Variants in CHM observed in about 807,000 individuals in gnomAD.
CHM encodes the protein rab proteins geranylgeranyltransferase component A 1.
A neutral mutation model predicts 49.0 loss-of-function variants in CHM; 10 were observed. That is an observed-to-expected ratio of 0.20 (90% CI 0.13 to 0.35). The LOEUF is 0.35. Among genes scored for constraint, CHM ranks in the 10% least tolerant of loss-of-function variants. The pLI, the probability that CHM is intolerant of heterozygous loss-of-function variation, is 1.00. For synonymous variants in CHM, 184 were observed against 167.5 expected (o/e 1.10, Z -0.76); for missense variants, 455 against 478.4 (o/e 0.95, Z 0.46).
intron 8 of CHM, among the ~76,000 whole-genome samples, chrX:85,947,847 T>C (rs1274511650): frequency 8.9e-6 from 1 of 112,357 alleles, no homozygotes; most frequent in Non-Finnish European, 1.9e-5. Context: ...TAAAAACGTG[T>C]TTGGTGGTGA....
At chrX:85,871,304 C>CAAAAAAAAAAAAAAAAAAAAAAAAAAA (rs150005971) in intron 14 of CHM, among the ~76,000 whole-genome samples, 1 of 62,096 alleles carries the variant, frequency 1.6e-5, no homozygotes, top group African/African-American at 7.0e-5. Flanking sequence ...AAGACTGTCT[C>CAAAAAAAAAAAAAAAAAAAAAAAAAAA]AAAAAAAAAA....
At chrX:85,892,407 C>T (rs5968706) in intron 12 of CHM, among the ~76,000 whole-genome samples, 3,352 of 109,450 alleles carry the variant, frequency 0.031, 126 homozygotes, top group African/African-American at 0.11. Context: ...TCATGGGGGC[C>T]GGTCTTTCTT....
chrX:85,892,264 G>A (rs1197856927), intron 12 of CHM, among the ~76,000 whole-genome samples: 1 of 110,657 alleles, frequency 9.0e-6, no homozygotes, highest in Non-Finnish European at 1.9e-5. Context: ...TTTGAAATGT[G>A]AGGACATGAG....
intron 2 of CHM, among the ~76,000 whole-genome samples, chrX:86,006,514 C>T (rs907997377): frequency 8.9e-6 from 1 of 111,810 alleles, no homozygotes; most frequent in Non-Finnish European, 1.9e-5. Flanking sequence ...TTAGAAAACC[C>T]CATCTTCTCA....
chrX:85,992,830 A>G lies in CHM; in HGVS notation c.117-11021T>C, dbSNP rs752310100. ...GAATCTACAAGAAGTTGCTTTGGCA[A>G]TCAGATCAGCCTGCCAGAAAGAAAT... On this transcript the variant is annotated intron_variant, in intron 2 of 14. Coordinates refer to ENST00000357749, the MANE Select transcript of CHM (RefSeq NM_000390.4). 7.1e-5 allele frequency among the ~76,000 whole-genome samples: 8 copies of G among 112,539 alleles called. No individual in the cohort carries two copies. In the East Asian group the frequency reaches 2.2e-3, roughly 31 times the overall value.
chrX:86,045,693 C>T (rs1226110129), intron 1 of CHM, among the ~76,000 whole-genome samples: 1 of 110,697 alleles, frequency 9.0e-6, no homozygotes, highest in African/African-American at 3.3e-5. Flanking sequence ...CTGAACTGTA[C>T]AGAAGGCAAA....
intron 2 of CHM, among the ~76,000 whole-genome samples, chrX:86,001,069 T>C (rs973309011): frequency 1.6e-4 from 18 of 112,236 alleles, no homozygotes; most frequent in Non-Finnish European, 2.1e-4. Flanking sequence ...TTACACATTG[T>C]ATACATGTAT....
intron 12 of CHM, among the ~76,000 whole-genome samples, chrX:85,880,179 G>A (rs1924675644): frequency 9.0e-6 from 1 of 111,130 alleles, no homozygotes; most frequent in African/African-American, 3.3e-5. Flanking sequence ...ATTACTTATG[G>A]CCTAATAATA....
At chrX:85,969,078 T>C (rs1930735607) in intron 4 of CHM, 1 of 678,617 alleles carries the variant, frequency 1.5e-6, no homozygotes, top group South Asian at 7.5e-5. Flanking sequence ...TCAAAATAAA[T>C]CAGTAGAATT....
intron 2 of CHM, among the ~76,000 whole-genome samples, chrX:85,998,156 T>G (rs1202462190): frequency 8.9e-6 from 1 of 111,858 alleles, no homozygotes; most frequent in Non-Finnish European, 1.9e-5. Context: ...AAAAATTAAT[T>G]TTTTATTGTT....
At chrX:85,993,249 ACCC>A (rs1444181228) in intron 2 of CHM, among the ~76,000 whole-genome samples, 2 of 110,233 alleles carry the variant, frequency 1.8e-5, no homozygotes, top group East Asian at 5.7e-4. Flanking sequence ...TCTGTCCCAC[ACCC>A]CCAATTTGGT....
chrX:86,044,658 T>C (rs1285255346), intron 1 of CHM, among the ~76,000 whole-genome samples: 1 of 111,767 alleles, frequency 8.9e-6, no homozygotes, highest in African/African-American at 3.3e-5. Context: ...GGTACTTGTC[T>C]ATAATCCACA....
chrX:85,942,538 G>C (rs946111687), intron 8 of CHM, among the ~76,000 whole-genome samples: 5 of 110,993 alleles, frequency 4.5e-5, no homozygotes, highest in African/African-American at 1.6e-4. Context: ...AGAACATTTC[G>C]CATATCTCAA....
At chrX:85,912,428 C>T (rs1927082038) in intron 8 of CHM, among the ~76,000 whole-genome samples, 1 of 111,370 alleles carries the variant, frequency 9.0e-6, no homozygotes, top group Non-Finnish European at 1.9e-5. Context: ...TAGGATTAAA[C>T]TCCCCAAAAT....
chrX:86,028,512 C>G (rs867128758), intron 1 of CHM, among the ~76,000 whole-genome samples: 5 of 111,578 alleles, frequency 4.5e-5, no homozygotes, highest in Admixed American at 3.8e-4. Flanking sequence ...AACATTTATG[C>G]TTTAGAATCA....
At chrX:85,902,734 A>AATAGAAGTCAAGAGGAAAT (rs1926358244) in intron 9 of CHM, among the ~76,000 whole-genome samples, 1 of 111,894 alleles carries the variant, frequency 8.9e-6, no homozygotes, top group Non-Finnish European at 1.9e-5. Context: ...TTCTATTTTA[A>AATAGAAGTCAAGAGGAAAT]AACACTCATA....
At chrX:85,980,743 T>G (rs1265579910) in intron 3 of CHM, among the ~76,000 whole-genome samples, 1 of 111,597 alleles carries the variant, frequency 9.0e-6, no homozygotes, top group Non-Finnish European at 1.9e-5. Context: ...ACAGATTTTT[T>G]TAAATCTGTC....
chrX:86,036,307 G>C (rs141824109), intron 1 of CHM, among the ~76,000 whole-genome samples: 8,095 of 111,241 alleles, frequency 0.073, 400 homozygotes, highest in Admixed American at 0.23. Flanking sequence ...AAAGCTGGTG[G>C]GGGGGGAAGT....
At chrX:85,998,424 C>A (rs1932547387) in intron 2 of CHM, among the ~76,000 whole-genome samples, 1 of 111,526 alleles carries the variant, frequency 9.0e-6, no homozygotes, top group Non-Finnish European at 1.9e-5. Context: ...ACATATTTTT[C>A]ATTTTTCATG....
Sources: gnomAD v4.1 joint callset for allele counts (sites outside exome capture counted in the v4.1 genomes callset) on GRCh38, gnomAD v4.1.1 for gene constraint, MANE v1.5 for transcripts, NCBI Gene and HGNC (gene_info 2026-07-23, HGNC 2026-07-21) for gene names.